ST7: variants seen among roughly 807,000 people sequenced by gnomAD.
The protein encoded by ST7 is suppression of tumorigenicity 7, also known as suppressor of tumorigenicity 7 protein.
A neutral mutation model predicts 78.7 loss-of-function variants in ST7; 28 were observed. That is an observed-to-expected ratio of 0.36 (90% confidence interval 0.26 to 0.49). The LOEUF (loss-of-function observed/expected upper bound fraction) is 0.49. ST7 is among the 20% of genes least tolerant of loss of function. The pLI, the probability that ST7 is intolerant of heterozygous loss-of-function variation, is 0.99. For synonymous variants in ST7, 247 were observed against 249.6 expected (o/e 0.99, Z 0.10); for missense variants, 418 against 696.0 (o/e 0.60, Z 4.49).
chr7:116,970,327 A>C (rs986569761), intron 1 of ST7, among the ~76,000 whole-genome samples: 7 of 152,244 alleles, frequency 4.6e-5, no homozygotes, highest in Non-Finnish European at 8.8e-5. Context: ...TAATTGTTAC[A>C]TAAGTTTTGT....
intron 9 of ST7, among the ~76,000 whole-genome samples, chr7:117,143,292 T>G (rs192010630): frequency 2.0e-5 from 3 of 152,342 alleles, no homozygotes; most frequent in East Asian, 3.9e-4. Flanking sequence ...CTTGTTTCAC[T>G]CTGTTTGCAA....
At chr7:116,961,555 C>CGTGTGT (rs35640208) in intron 1 of ST7, among the ~76,000 whole-genome samples, 6,687 of 138,430 alleles carry the variant, frequency 0.048, 177 homozygotes, top group Middle Eastern at 0.082. Context: ...TGTATTCCTA[C>CGTGTGT]GTGTGTGTGT....
chr7:116,961,839 C>T (rs571113524), intron 1 of ST7, among the ~76,000 whole-genome samples: 4 of 151,132 alleles, frequency 2.6e-5, no homozygotes, highest in Admixed American at 6.6e-5. Flanking sequence ...TGTAGGTATA[C>T]GTGTGCCATG....
intron 1 of ST7, among the ~76,000 whole-genome samples, chr7:116,994,885 G>A (rs1794581705): frequency 1.3e-5 from 2 of 152,098 alleles, no homozygotes; most frequent in South Asian, 2.1e-4. Context: ...TTTTCTGTTC[G>A]CTCTTTCATA....
intron 1 of ST7, among the ~76,000 whole-genome samples, chr7:117,099,478 A>G (rs1801403920): frequency 6.6e-6 from 1 of 152,200 alleles, no homozygotes; most frequent in East Asian, 1.9e-4. Context: ...TTCCATGGTT[A>G]TGAATCCATG....
At chr7:117,197,040 C>T (rs1297947050) in intron 12 of ST7, among the ~76,000 whole-genome samples, 1 of 151,978 alleles carries the variant, frequency 6.6e-6, no homozygotes, top group Non-Finnish European at 1.5e-5. Context: ...CCCTCTTTCC[C>T]ACCCGCTGAC....
intron 1 of ST7, among the ~76,000 whole-genome samples, chr7:117,032,134 G>A (rs1389070373): frequency 6.6e-6 from 1 of 151,370 alleles, no homozygotes; most frequent in Non-Finnish European, 1.5e-5. Flanking sequence ...TGCCCTCCTC[G>A]GCCTCCCAAA....
chr7:117,133,649 G>T (rs983426812), intron 6 of ST7, among the ~76,000 whole-genome samples: 3 of 151,182 alleles, frequency 2.0e-5, no homozygotes, highest in Admixed American at 6.6e-5. Context: ...GGGAATAAAT[G>T]GTTGTCTTTA....
At chr7:117,095,082 G>A (rs1800921440) in intron 1 of ST7, among the ~76,000 whole-genome samples, 1 of 151,972 alleles carries the variant, frequency 6.6e-6, no homozygotes, top group South Asian at 2.1e-4. Context: ...TCCTTCATTC[G>A]AAGACTTCCC....
chr7:117,020,343 C>A, intron 1 of ST7: 1 of 472,818 alleles, frequency 2.1e-6, no homozygotes. Context: ...CCTTCATTTG[C>A]CTAGTGGATT....
chr7:117,155,635 C>T (rs1806633452), intron 9 of ST7, among the ~76,000 whole-genome samples: 1 of 152,218 alleles, frequency 6.6e-6, no homozygotes, highest in South Asian at 2.1e-4. Context: ...CATCATCTCT[C>T]ACTTGGAGTA....
chr7:117,058,440 T>C (rs1046587163), intron 1 of ST7, among the ~76,000 whole-genome samples: 13 of 152,182 alleles, frequency 8.5e-5, no homozygotes, highest in Non-Finnish European at 2.9e-5. Context: ...ATCTTTTCTA[T>C]TGGTTGTTAT....
intron 6 of ST7, among the ~76,000 whole-genome samples, chr7:117,133,472 A>AG (rs1213151376): frequency 6.6e-6 from 1 of 151,952 alleles, no homozygotes; most frequent in Non-Finnish European, 1.5e-5. Flanking sequence ...TAGAGAAGCC[A>AG]GGAACAAAAT....
chr7:117,108,635 G>A (rs1386797311), intron 2 of ST7, among the ~76,000 whole-genome samples: 3 of 152,038 alleles, frequency 2.0e-5, no homozygotes, highest in Non-Finnish European at 4.4e-5. Flanking sequence ...AATAATGATG[G>A]TGGTATTTTG....
At chr7:117,187,876 T>C (rs934388983) in intron 10 of ST7, 7 of 152,182 alleles carry the variant, frequency 4.6e-5, no homozygotes, top group Non-Finnish European at 8.8e-5. Flanking sequence ...CGTTCCTGTA[T>C]TGATTCCCCA....
intron 10 of ST7, among the ~76,000 whole-genome samples, chr7:117,174,728 C>T (rs1325036939): frequency 2.0e-5 from 3 of 152,202 alleles, no homozygotes; most frequent in Non-Finnish European, 4.4e-5. Flanking sequence ...ATGTGCCAAG[C>T]ATGTTATTAG....
chr7:116,968,484 G>T (rs539470818), intron 1 of ST7: 2 of 442,498 alleles, frequency 4.5e-6, no homozygotes, highest in Non-Finnish European at 9.1e-6. Flanking sequence ...TTCGACTACG[G>T]GTGTGCGCCA....
chr7:117,109,586 A>G (rs1254282608), intron 2 of ST7, among the ~76,000 whole-genome samples: 1 of 152,214 alleles, frequency 6.6e-6, no homozygotes, highest in Non-Finnish European at 1.5e-5. Context: ...CCAGGACCAG[A>G]TAGACTCACA....
At chr7:117,024,980 A>G (rs1471124384) in intron 1 of ST7, among the ~76,000 whole-genome samples, 1 of 152,200 alleles carries the variant, frequency 6.6e-6, no homozygotes, top group Admixed American at 6.5e-5. Flanking sequence ...AATAGGGAGT[A>G]TGGTACCATG....
Sources: allele counts gnomAD v4.1 joint callset (sites outside exome capture counted in the v4.1 genomes callset), GRCh38; gene constraint gnomAD v4.1.1; transcripts MANE v1.5; gene names NCBI Gene and HGNC (gene_info 2026-07-23, HGNC 2026-07-21).